The following PAPPA variants were observed in gnomAD, a reference collection of about 807,000 sequenced individuals.
PAPPA encodes pappalysin 1, also known as pappalysin-1.
Under a neutral mutation model 164.0 loss-of-function variants are expected in PAPPA, and 60 were observed. The ratio of observed to expected loss-of-function variants is 0.37; its 90% CI spans 0.30 to 0.45. The LOEUF is 0.45. PAPPA is among the 20% of genes least tolerant of loss of function. The probability of loss-of-function intolerance (pLI) is 1.00; values close to 1 mark genes in which losing one functional copy is unlikely to be tolerated. For missense variants in PAPPA, 1,782 were observed against 2,087.3 expected (o/e 0.85, Z 2.85); for synonymous variants, 875 against 814.1 (o/e 1.07, Z -1.27).
chr9:116,216,499 G>C (rs1281331712), intron 4 of PAPPA, among the ~76,000 whole-genome samples: 1 of 152,170 alleles, frequency 6.6e-6, no homozygotes, highest in Non-Finnish European at 1.5e-5. Flanking sequence ...TCTGCTTTGG[G>C]ACAAGATACA....
At chr9:116,303,402 A>T (rs1261222118) in intron 10 of PAPPA, among the ~76,000 whole-genome samples, 1 of 152,168 alleles carries the variant, frequency 6.6e-6, no homozygotes, top group Non-Finnish European at 1.5e-5. Context: ...AATAAAGAGT[A>T]GTTGAGCTTG....
In PAPPA at chr9:116,187,512, G is replaced by A. The variant is rs756896748; in HGVS notation, c.774G>A (p.Leu258=). Residue 258 remains leucine (L), a synonymous_variant, in exon 2 of 22, where the codon CTG becomes CTA. Coordinates refer to ENST00000328252, the MANE Select transcript of PAPPA (RefSeq NM_002581.5). This position sits in a 1 kb window ranked among gnomAD's most constrained non-coding sequence, Gnocchi z 4.2. ...NYRGYIEHFS[L]WKVARTQREI... is the part of the protein sequence containing the mutation. ...GGGGCTACATCGAGCACTTCAGTCTGTGGAAGGTGGCCAGGACTCAGCGGG... is the reference window on the plus strand; with the variant it reads ...GGGGCTACATCGAGCACTTCAGTCTATGGAAGGTGGCCAGGACTCAGCGGG... 3 of 1,614,170 alleles carry A rather than the reference G, an allele frequency of 1.9e-6. No homozygotes were observed. Among genetic ancestry groups the A allele is most frequent in the Non-Finnish European group, 2.5e-6 (3 of 1,180,022 alleles).
intron 15 of PAPPA, among the ~76,000 whole-genome samples, chr9:116,351,181 C>G (rs896253039): frequency 6.6e-6 from 1 of 152,148 alleles, no homozygotes; most frequent in African/African-American, 2.4e-5. Context: ...ATCAAGAGAA[C>G]AGAGCTATTT....
At chr9:116,357,228 G>A (rs1223305167) in intron 17 of PAPPA, among the ~76,000 whole-genome samples, 1 of 152,224 alleles carries the variant, frequency 6.6e-6, no homozygotes, top group East Asian at 1.9e-4. Context: ...CAGCAAATGA[G>A]CAACAAAATG....
At position 116,398,450 on chromosome 9, in the gene PAPPA, G is replaced by T. The variant is rs1360567614; in HGVS notation, c.*1834G>T. On this transcript the variant is annotated 3_prime_UTR_variant, in exon 22 of 22. Coordinates refer to ENST00000328252, the MANE Select transcript of PAPPA (RefSeq NM_002581.5). ...AGCCCCACCTAATTCCTGCATCCAA[G>T]GCAGGTGTTGTTAATCTATCATAGC... 3.1e-5 allele frequency: 17 copies of T among 543,430 alleles called. No homozygotes were observed. In the South Asian group the frequency reaches 3.1e-4, roughly 10 times the overall value. The allele number at this position is 543,430 out of a possible 1,614,324, so 33.7% of individuals were successfully genotyped here. A position where few individuals can be genotyped will look rare whatever the true frequency, so the allele number is the denominator to read the frequency against.
rs1389337213 is a variant in PAPPA at position 116,282,432 on chromosome 9, ATC to A, written c.2953+11019_2953+11020del. 6.6e-5 allele frequency among the ~76,000 whole-genome samples: 10 copies of A among 152,190 alleles called. No individual in the cohort carries two copies. The East Asian group carries it at 7.7e-4, about 12-fold the overall frequency. On this transcript the variant is annotated intron_variant, in intron 9 of 21. Coordinates refer to ENST00000328252, the MANE Select transcript of PAPPA (RefSeq NM_002581.5). ...CTGCATATATTTCCACCCTTTTTCC[ATC>A]TCACCATCTCAGACAAAAGTCATAA... is the stretch of plus-strand genomic sequence containing the variant.
intron 6 of PAPPA, among the ~76,000 whole-genome samples, chr9:116,228,465 C>T (rs986435776): frequency 2.6e-5 from 4 of 152,048 alleles, no homozygotes; most frequent in East Asian, 1.9e-4. Flanking sequence ...AGAACTCCTC[C>T]GCTATCCTCT....
At chr9:116,192,381 C>A (rs774430053) in intron 2 of PAPPA, among the ~76,000 whole-genome samples, 1 of 152,182 alleles carries the variant, frequency 6.6e-6, no homozygotes, top group Admixed American at 6.5e-5. Context: ...GAGATCCAGA[C>A]CATGAGCAGA....
intron 7 of PAPPA, among the ~76,000 whole-genome samples, chr9:116,239,366 A>G (rs1381866387): frequency 1.3e-5 from 2 of 152,176 alleles, no homozygotes. Flanking sequence ...GACACACCGC[A>G]TCACCTATTT....
In PAPPA at chr9:116,276,561, G is replaced by T. The variant is rs541342851; in HGVS notation, c.2953+5145G>T. ...GCTTCTTCCCTCATCTGATACTGAG[G>T]AATCTCCGATTTGTCAAACAGCTAT... On this transcript the variant is annotated intron_variant, in intron 9 of 21. Coordinates refer to ENST00000328252, the MANE Select transcript of PAPPA (RefSeq NM_002581.5). Among the ~76,000 whole-genome samples, 68 of 152,268 alleles carry T rather than the reference G, an allele frequency of 4.5e-4. 1 individual carries two copies. The highest frequency in any genetic ancestry group is 4.4e-5 in the Non-Finnish European group (3 of 68,026).
intron 4 of PAPPA, among the ~76,000 whole-genome samples, chr9:116,213,693 C>G (rs378556): frequency 6.6e-6 from 1 of 152,016 alleles, no homozygotes; most frequent in East Asian, 1.9e-4. Flanking sequence ...TTGTACAGAT[C>G]TAAAGGGTGA....
At chr9:116,354,320 T>C (rs1438427937) in intron 17 of PAPPA, among the ~76,000 whole-genome samples, 1 of 152,098 alleles carries the variant, frequency 6.6e-6, no homozygotes, top group Non-Finnish European at 1.5e-5. Context: ...GCTGAAGGAA[T>C]TTTCTTCAAA....
chr9:116,192,264 C>T (rs1372840142), intron 2 of PAPPA, among the ~76,000 whole-genome samples: 2 of 152,046 alleles, frequency 1.3e-5, no homozygotes, highest in African/African-American at 2.4e-5. Context: ...ATGTCCAGAG[C>T]CTAGAGACAG....
rs376220332 is a variant in PAPPA, at chr9:116,219,919, C to G, written c.1919-18C>G. 1.4e-4 allele frequency: 221 copies of G among 1,595,230 alleles called. 1 individual carries two copies. The highest frequency in any genetic ancestry group is 1.7e-4 in the Non-Finnish European group (196 of 1,167,698). ...GCCTTGCGGCTTGGTGCTTATCTCT[C>G]CCTCTGCCTGCTTGCAGATGACGAC... On this transcript the variant is annotated intron_variant, in intron 4 of 21. Coordinates refer to ENST00000328252, the MANE Select transcript of PAPPA (RefSeq NM_002581.5).
chr9:116,156,350 A>G (rs866621525), intron 1 of PAPPA, among the ~76,000 whole-genome samples: 9 of 136,246 alleles, frequency 6.6e-5, no homozygotes, highest in South Asian at 2.2e-4. Flanking sequence ...ATATATATGT[A>G]TATATATATA....
In PAPPA at chr9:116,350,850, C is replaced by A. The variant is rs140064856; in HGVS notation, c.3965-1856C>A. Among the ~76,000 whole-genome samples the A allele has an allele frequency of 2.7e-3, 404 of 152,314 alleles. 10 individuals carry two copies. In the South Asian group the frequency reaches 0.049, roughly 19 times the overall value. On this transcript the variant is annotated intron_variant, in intron 15 of 21. Coordinates refer to ENST00000328252, the MANE Select transcript of PAPPA (RefSeq NM_002581.5). ...GGAAACCAAATGAATCACCTTTCTG[C>A]ACACTTTACTCTTTTTACTTGATGT...
chr9:116,332,811 A>G, intron 12 of PAPPA: 1 of 194,172 alleles, frequency 5.2e-6, no homozygotes, highest in Non-Finnish European at 1.1e-5. Flanking sequence ...CTGAGACCCA[A>G]AGAGAGGCAC....
chr9:116,155,273 A>T (rs1200202586), intron 1 of PAPPA, among the ~76,000 whole-genome samples: 2 of 152,112 alleles, frequency 1.3e-5, no homozygotes, highest in African/African-American at 4.8e-5. Flanking sequence ...CGCTTTTCTC[A>T]TATGGGACTT....
chr9:116,396,773 A>G lies in PAPPA; in HGVS notation c.*157A>G. 2 of 596,616 alleles carry G rather than the reference A, an allele frequency of 3.4e-6. No homozygotes were observed. The highest frequency in any genetic ancestry group is 4.2e-5 in the South Asian group (2 of 47,654). 37.0% of individuals were successfully genotyped at this position (596,616 alleles called of 1,614,324 possible). On this transcript the variant is annotated 3_prime_UTR_variant, in exon 22 of 22. Coordinates refer to ENST00000328252, the MANE Select transcript of PAPPA (RefSeq NM_002581.5). Reference sequence around the variant, plus strand: ...TTAATTTTACCCAGGAAGGACTCACATTGGGGCGAATGAACCAAGTTTCGC... The same window carrying G: ...TTAATTTTACCCAGGAAGGACTCACGTTGGGGCGAATGAACCAAGTTTCGC...
Sources: gnomAD v4.1 joint callset for allele counts (sites outside exome capture counted in the v4.1 genomes callset) on GRCh38, gnomAD v4.1.1 for gene constraint, Gnocchi (gnomAD v3.1) non-coding constraint, MANE v1.5 for transcripts, NCBI Gene and HGNC (gene_info 2026-07-23, HGNC 2026-07-21) for gene names.